PLA2G12B: variants seen among roughly 807,000 people sequenced by gnomAD.
PLA2G12B encodes group XIIB secretory phospholipase A2-like protein.
A neutral mutation model predicts 22.3 loss-of-function variants in PLA2G12B; 19 were observed. The observed-to-expected ratio is 0.85, with a 90% CI of 0.60 to 1.25. The LOEUF (loss-of-function observed/expected upper bound fraction) is 1.25. Among genes scored for constraint, PLA2G12B ranks in the 50% most tolerant of loss-of-function variants. The pLI, the probability that PLA2G12B is intolerant of heterozygous loss-of-function variation, is 0.00. For synonymous variants in PLA2G12B, 81 were observed against 94.9 expected (o/e 0.85, Z 0.85); for missense variants, 191 against 246.6 (o/e 0.77, Z 1.51).
intron 1 of PLA2G12B, among the ~76,000 whole-genome samples, chr10:72,945,134 T>C (rs1172295561): frequency 1.3e-5 from 2 of 152,220 alleles, no homozygotes; most frequent in African/African-American, 4.8e-5. Context: ...GTTGCTGTGA[T>C]ACATGTGGTT....
At chr10:72,941,372 A>T (rs375436145) in intron 2 of PLA2G12B, 38 bp from the exon 3 acceptor site, 1 of 1,591,646 alleles carries the variant, frequency 6.3e-7, no homozygotes, top group Non-Finnish European at 8.6e-7. Context: ...AAGGGGAAGA[A>T]ATGCCACGTT....
At chr10:72,940,334 C>T (rs963552873) in intron 3 of PLA2G12B, among the ~76,000 whole-genome samples, 2 of 152,118 alleles carry the variant, frequency 1.3e-5, no homozygotes, top group Non-Finnish European at 2.9e-5. Context: ...GAAACTGAGA[C>T]AGTAAAAACT....
At chr10:72,951,527 A>G (rs1846531103) in intron 1 of PLA2G12B, among the ~76,000 whole-genome samples, 1 of 136,356 alleles carries the variant, frequency 7.3e-6, no homozygotes, top group African/African-American at 2.9e-5. Context: ...GTGAGATCTC[A>G]GCTCACTGCA....
chr10:72,943,543 A>T (rs1364138553), intron 1 of PLA2G12B, among the ~76,000 whole-genome samples: 2 of 152,220 alleles, frequency 1.3e-5, no homozygotes, highest in Non-Finnish European at 2.9e-5. Flanking sequence ...CCCTGATGTG[A>T]TATCTTAGGC....
chr10:72,937,135 C>T (rs947304850), intron 3 of PLA2G12B, among the ~76,000 whole-genome samples: 3 of 151,602 alleles, frequency 2.0e-5, no homozygotes, highest in African/African-American at 4.9e-5. Context: ...GGCGTGAACC[C>T]GGAGGCAGAG....
rs892784315 is a variant in PLA2G12B, at chr10:72,954,551, G to A, written c.135C>T (p.Ser45=). ...GLRHLRGSFE[S]VNSYFDSFLE... is the part of the protein sequence containing the mutation. ...GAAAAGAATCGAAGTAGCTATTGAC[G>A]GATTCAAAGCTTCCCCGGAGGTGCC... The change falls in exon 1 of 4, where the codon TCC becomes TCT. Residue 45 remains serine, a synonymous_variant. Coordinates refer to ENST00000373032, the MANE Select transcript of PLA2G12B (RefSeq NM_032562.5). 5 of 1,614,190 alleles carry A rather than the reference G, an allele frequency of 3.1e-6. No homozygotes were observed. The highest frequency in any genetic ancestry group is 2.2e-5 in the East Asian group (1 of 44,874).
intron 1 of PLA2G12B, 52 bp from the exon 2 acceptor site, chr10:72,942,792 C>T: frequency 7.0e-7 from 1 of 1,423,428 alleles, no homozygotes; most frequent in Non-Finnish European, 9.6e-7. Flanking sequence ...AGAAATCAAG[C>T]ATTTGGGAAC....
In PLA2G12B at chr10:72,942,524, T is replaced by G. The variant is rs1016963901; in HGVS notation, c.300+128A>C. 4 of 693,292 alleles carry G rather than the reference T, an allele frequency of 5.8e-6. No homozygotes were observed. In the African/African-American group the frequency reaches 7.4e-5, roughly 13 times the overall value. 42.9% of individuals were successfully genotyped at this position (693,292 alleles called of 1,614,324 possible). ...TTCTTTAAAAATTCTCTCCCTCATATCCAATTTAAAATACTTAATTGTATT... is the reference window on the plus strand; with the variant it reads ...TTCTTTAAAAATTCTCTCCCTCATAGCCAATTTAAAATACTTAATTGTATT... On this transcript the variant is annotated intron_variant, in intron 2 of 3. Coordinates refer to ENST00000373032, the MANE Select transcript of PLA2G12B (RefSeq NM_032562.5).
intron 3 of PLA2G12B, among the ~76,000 whole-genome samples, chr10:72,936,567 G>C (rs1237353020): frequency 2.6e-5 from 4 of 152,102 alleles, no homozygotes; most frequent in African/African-American, 9.7e-5. Context: ...CATACAGAGA[G>C]TAAAATAGTG....
chr10:72,943,558 C>A (rs1165833450), intron 1 of PLA2G12B, among the ~76,000 whole-genome samples: 1 of 152,192 alleles, frequency 6.6e-6, no homozygotes, highest in East Asian at 1.9e-4. Flanking sequence ...TTAGGCATTT[C>A]TTTCATAGAA....
intron 1 of PLA2G12B, among the ~76,000 whole-genome samples, chr10:72,952,144 C>T (rs1317537895): frequency 6.6e-6 from 1 of 152,192 alleles, no homozygotes; most frequent in African/African-American, 2.4e-5. Context: ...CTCAGGTGAT[C>T]TGAAGTGTAC....
At chr10:72,949,095 C>A (rs1343119954) in intron 1 of PLA2G12B, among the ~76,000 whole-genome samples, 1 of 152,110 alleles carries the variant, frequency 6.6e-6, no homozygotes, top group African/African-American at 2.4e-5. Context: ...AGTGAGTATG[C>A]TTTATTAAAA....
chr10:72,949,495 T>C (rs781047778), intron 1 of PLA2G12B, among the ~76,000 whole-genome samples: 13 of 152,232 alleles, frequency 8.5e-5, no homozygotes, highest in Non-Finnish European at 1.6e-4. Flanking sequence ...AACCTTTTTG[T>C]AGTATACATA....
intron 1 of PLA2G12B, among the ~76,000 whole-genome samples, chr10:72,953,756 G>C (rs937441751): frequency 1.3e-5 from 2 of 152,172 alleles, no homozygotes; most frequent in Non-Finnish European, 2.9e-5. Flanking sequence ...TTCAGGCAAG[G>C]TAGGGGAAGT....
intron 1 of PLA2G12B, among the ~76,000 whole-genome samples, chr10:72,948,209 A>G (rs1235582720): frequency 6.6e-6 from 1 of 152,130 alleles, no homozygotes; most frequent in Non-Finnish European, 1.5e-5. Context: ...AATTTTGCTG[A>G]AAAGGGCATT....
intron 1 of PLA2G12B, among the ~76,000 whole-genome samples, chr10:72,953,393 T>C (rs1411138737): frequency 6.6e-6 from 1 of 152,236 alleles, no homozygotes; most frequent in African/African-American, 2.4e-5. Flanking sequence ...GGGAAGTATG[T>C]AGTTTTTTTG....
intron 1 of PLA2G12B, among the ~76,000 whole-genome samples, chr10:72,953,921 T>C (rs1846572900): frequency 6.6e-6 from 1 of 152,190 alleles, no homozygotes; most frequent in Non-Finnish European, 1.5e-5. Context: ...AGCAAATTGA[T>C]GCCAGTCAGG....
At position 72,950,686 on chromosome 10, in the gene PLA2G12B, G is replaced by C. The variant is rs193083271; in HGVS notation, c.211+3789C>G. On this transcript the variant is annotated intron_variant, in intron 1 of 3. Coordinates refer to ENST00000373032, the MANE Select transcript of PLA2G12B (RefSeq NM_032562.5). ...GTACAGATGGGGTTTCACCATGCTG[G>C]CCAGGCTAGTCTCAAACTCCTGACC... 9.0e-4 allele frequency among the ~76,000 whole-genome samples: 137 copies of C among 152,180 alleles called. No individual in the cohort carries two copies. The Middle Eastern group carries it at 0.017, about 19-fold the overall frequency.
intron 1 of PLA2G12B, among the ~76,000 whole-genome samples, chr10:72,944,532 A>C (rs530464991): frequency 6.6e-6 from 1 of 152,192 alleles, no homozygotes; most frequent in Non-Finnish European, 1.5e-5. Flanking sequence ...TTTGGAGACA[A>C]CTGCCTTTCT....
Sources: gnomAD v4.1 joint callset for allele counts (sites outside exome capture counted in the v4.1 genomes callset) on GRCh38, gnomAD v4.1.1 for gene constraint, MANE v1.5 for transcripts, NCBI Gene and HGNC (gene_info 2026-07-23, HGNC 2026-07-21) for gene names.